GGA3: variants seen among roughly 807,000 people sequenced by gnomAD.
GGA3 encodes the protein ADP-ribosylation factor-binding protein GGA3.
In GGA3, 57 loss-of-function variants were observed where a neutral mutation model predicts 77.5. The ratio of observed to expected loss-of-function variants is 0.74; its 90% CI spans 0.59 to 0.92. The LOEUF (loss-of-function observed/expected upper bound fraction) is 0.92. GGA3 is among the 40% of genes least tolerant of loss of function. GGA3 has a pLI of 0.00. For missense variants in GGA3, 970 were observed against 914.9 expected (o/e 1.06, Z -0.78); for synonymous variants, 416 against 383.7 (o/e 1.08, Z -0.98).
In GGA3 at chr17:75,242,427, T is replaced by G; in HGVS notation, c.656A>C (p.Glu219Ala). Residue 219 changes from glutamate to alanine, a missense_variant, in exon 8 of 17, where the codon GAG (glutamate) becomes GCG (alanine). By Grantham distance (107) the Glu-to-Ala change is moderately radical (BLOSUM62 -1). Transcript: ENST00000537686. ...QKVTKRLHTL[E>A]EVNNNVRLLS... ...CAGTCTCACGTTGTTGTTAACTTCC[T>G]CTAACGTGTGCAGACGCTTGGTCAC... 1 of 1,614,126 alleles carries G rather than the reference T, an allele frequency of 6.2e-7. No homozygotes were observed. Among genetic ancestry groups the G allele is most frequent in the Non-Finnish European group, 8.5e-7 (1 of 1,179,946 alleles).
Position 75,239,443 on chromosome 17 carries a change from C to T in GGA3, c.1712G>A (p.Gly571Asp). ...LFQPLSFQSQGSPPKGPELSL... is the reference protein window; with the variant it reads ...LFQPLSFQSQDSPPKGPELSL... ...GAGCTCAGGCCCCTTCGGGGGGCTG[C>T]CCTGGGACTGGAAACTCAGTGGCTG... Residue 571 changes from glycine (G) to aspartate (D), a missense_variant, in exon 14 of 17, where the codon GGC becomes GAC. Physicochemically the swap from Gly to Asp is moderately conservative, Grantham distance 94. Transcript: ENST00000537686. The T allele has an allele frequency of 6.3e-7, 1 of 1,580,384 alleles. No individual in the cohort carries two copies. Among genetic ancestry groups the T allele is most frequent in the Non-Finnish European group, 8.5e-7 (1 of 1,170,768 alleles).
upstream of GGA3, chr17:75,261,703 C>T: frequency 8.5e-7 from 1 of 1,182,608 alleles, no homozygotes. Flanking sequence ...AGGGCCGCGC[C>T]AGACTGCGAC....
Position 75,240,891 on chromosome 17 carries a change from A to G in GGA3, c.1113T>C (p.Ser371=). 1 of 1,613,602 alleles carries G rather than the reference A, an allele frequency of 6.2e-7. No individual in the cohort carries two copies. Among genetic ancestry groups the G allele is most frequent in the Non-Finnish European group, 8.5e-7 (1 of 1,179,826 alleles). ...QASGPPRSRS[S]SQAEATLGPS... is the part of the protein sequence containing the mutation. The stretch of plus-strand genomic sequence containing the variant: ...GCCCCAGGGTGGCCTCGGCCTGGCT[A>G]GAGGAGCGGCTCCGTGGAGGTCCTG... Residue 371 remains serine (S), a synonymous_variant, in exon 11 of 17, where the codon TCT becomes TCC. Coordinates refer to ENST00000537686, the MANE Select transcript of GGA3 (RefSeq NM_138619.4).
In GGA3 at chr17:75,239,305, T is replaced by C. The variant is rs550144724; in HGVS notation, c.1780+70A>G. 3.9e-5 allele frequency: 52 copies of C among 1,319,462 alleles called. No homozygotes were observed. In the South Asian group the frequency reaches 5.3e-4, roughly 13 times the overall value. 81.7% of individuals were successfully genotyped at this position (1,319,462 alleles called of 1,614,324 possible). ...TGCAAAGAGTGCCTGGATCCATCCC[T>C]GTCGCATGTCCTACAGCTCCGTGGC... On this transcript the variant is annotated intron_variant, in intron 14 of 16. Coordinates refer to ENST00000537686, the MANE Select transcript of GGA3 (RefSeq NM_138619.4).
chr17:75,239,711 A>G (rs2076462925), intron 13 of GGA3, 78 bp downstream of exon 13: 2 of 1,527,378 alleles, frequency 1.3e-6, no homozygotes, highest in Admixed American at 3.3e-5. Context: ...AGGCACCCCC[A>G]CCCCTTCAAA....
At chr17:75,239,137 A>T (rs2076430738) in intron 14 of GGA3, 54 bp from the exon 15 acceptor site, 5 of 1,537,010 alleles carry the variant, frequency 3.3e-6, no homozygotes, top group Non-Finnish European at 3.5e-6. Context: ...CACCCAACAG[A>T]GCCCCGGCGG....
At chr17:75,258,489 G>A (rs2077232043) in intron 1 of GGA3, among the ~76,000 whole-genome samples, 1 of 152,130 alleles carries the variant, frequency 6.6e-6, no homozygotes, top group African/African-American at 2.4e-5. Context: ...GGCCAACATG[G>A]TGAAACCCCA....
chr17:75,243,837 A>G (rs755190393), intron 4 of GGA3, among the ~76,000 whole-genome samples: 50 of 152,022 alleles, frequency 3.3e-4, no homozygotes, highest in Non-Finnish European at 6.6e-4. Context: ...TGTATTCATG[A>G]CCTTACTCAT....
chr17:75,246,052 C>A (rs181556688), intron 3 of GGA3, among the ~76,000 whole-genome samples: 129 of 152,332 alleles, frequency 8.5e-4, no homozygotes, highest in Non-Finnish European at 1.4e-3. Context: ...CCAGGATCTG[C>A]CCTAGGGGCC....
At chr17:75,253,260 C>T (rs372510278) in intron 1 of GGA3, among the ~76,000 whole-genome samples, 33 of 152,334 alleles carry the variant, frequency 2.2e-4, no homozygotes, top group African/African-American at 7.2e-4. Context: ...ACCACTTTCT[C>T]CTTTCCACTC....
At chr17:75,245,248 C>T (rs541437010) in intron 3 of GGA3, among the ~76,000 whole-genome samples, 3 of 152,340 alleles carry the variant, frequency 2.0e-5, no homozygotes, top group South Asian at 2.1e-4. Context: ...CCTGGCACTG[C>T]GGTTTCTAAG....
At position 75,246,748 on chromosome 17, in the gene GGA3, A is replaced by G; in HGVS notation, c.89T>C (p.Ile30Thr). The G allele has an allele frequency of 6.2e-7, 1 of 1,614,008 alleles. No homozygotes were observed. Among genetic ancestry groups the G allele is most frequent in the African/African-American group, 1.3e-5 (1 of 75,044 alleles). Reference protein sequence around the residue: ...SNRQEDWEYIIGFCDQINKEL... With the variant: ...SNRQEDWEYITGFCDQINKEL... Reference sequence around the variant, plus strand: ...CTTGTTGATCTGATCACAGAAGCCAATTATGTATTCCCAGTCCTCCTGGCG... The same window carrying G: ...CTTGTTGATCTGATCACAGAAGCCAGTTATGTATTCCCAGTCCTCCTGGCG... Residue 30 changes from isoleucine (I) to threonine (T), a missense_variant, in exon 2 of 17, where the codon ATT becomes ACT. Ile to Thr is a moderately conservative substitution (Grantham distance 89). Coordinates refer to ENST00000537686, the MANE Select transcript of GGA3 (RefSeq NM_138619.4).
chr17:75,255,708 G>A (rs1388256860), intron 1 of GGA3, among the ~76,000 whole-genome samples: 1 of 152,154 alleles, frequency 6.6e-6, no homozygotes, highest in Non-Finnish European at 1.5e-5. Context: ...GTTAGTTCAG[G>A]ATCTATGCCT....
chr17:75,255,974 C>T (rs1357029191), intron 1 of GGA3, among the ~76,000 whole-genome samples: 2 of 152,308 alleles, frequency 1.3e-5, no homozygotes, highest in East Asian at 3.9e-4. Context: ...CAGTCAAGCC[C>T]AAATTTCATC....
At chr17:75,256,070 C>T (rs542059137) in intron 1 of GGA3, among the ~76,000 whole-genome samples, 1 of 152,276 alleles carries the variant, frequency 6.6e-6, no homozygotes, top group Non-Finnish European at 1.5e-5. Flanking sequence ...TCCCAAACCT[C>T]AATCCCTTAC....
chr17:75,246,850 A>G, intron 1 of GGA3, 54 bp from the exon 2 acceptor site: 1 of 1,446,040 alleles, frequency 6.9e-7, no homozygotes, highest in South Asian at 1.1e-5. Context: ...TGAGGATGCA[A>G]TGGAAGGTTT....
chr17:75,246,645 C>T, intron 2 of GGA3, 61 bp from the exon 3 acceptor site: 2 of 1,593,096 alleles, frequency 1.3e-6, no homozygotes, highest in Non-Finnish European at 1.7e-6. Context: ...GCTGGCCCTC[C>T]TTGGCCATGG....
intron 1 of GGA3, among the ~76,000 whole-genome samples, chr17:75,258,771 C>T (rs577718735): frequency 6.6e-6 from 1 of 151,848 alleles, no homozygotes; most frequent in Admixed American, 6.6e-5. Context: ...TTCCCAAACA[C>T]CTCTGTTACT....
chr17:75,251,147 G>A (rs1483550051), intron 1 of GGA3, among the ~76,000 whole-genome samples: 3 of 151,960 alleles, frequency 2.0e-5, no homozygotes, highest in Admixed American at 6.6e-5. Flanking sequence ...GGCTGGAAAG[G>A]GAATAAAGGT....
Sources: allele counts gnomAD v4.1 joint callset (sites outside exome capture counted in the v4.1 genomes callset), GRCh38; gene constraint gnomAD v4.1.1; transcripts MANE v1.5; gene names NCBI Gene and HGNC (gene_info 2026-07-23, HGNC 2026-07-21).